PABPC4L: variants seen among roughly 807,000 people sequenced by gnomAD.
PABPC4L encodes the protein poly(A) binding protein cytoplasmic 4 like, also known as polyadenylate-binding protein 4-like.
For synonymous variants in PABPC4L, 169 were observed against 164.1 expected, an observed-to-expected ratio of 1.03 and a Z score of -0.23; for missense variants, 452 against 451.4, an observed-to-expected ratio of 1.00 and a Z score of -0.01.
chr4:133,953,833 A>G, the PABPC4L span, among the ~76,000 whole-genome samples: 2 of 152,320 alleles, frequency 1.3e-5, no homozygotes, highest in East Asian at 3.9e-4. Flanking sequence ...AGTAAACAGA[A>G]TATTCATGAT....
At chr4:134,064,220 A>T in the PABPC4L span, among the ~76,000 whole-genome samples, 1 of 152,088 alleles carries the variant, frequency 6.6e-6, no homozygotes, top group African/African-American at 2.4e-5. Context: ...GTTTCCAGTT[A>T]AAAACTTAAG....
At chr4:134,025,659 T>A in the PABPC4L span, among the ~76,000 whole-genome samples, 2 of 152,284 alleles carry the variant, frequency 1.3e-5, no homozygotes, top group East Asian at 3.9e-4. Flanking sequence ...ACCCCACAAC[T>A]AAATAAATGT....
chr4:134,063,033 C>T, the PABPC4L span, among the ~76,000 whole-genome samples: 100 of 152,176 alleles, frequency 6.6e-4, no homozygotes, highest in Non-Finnish European at 2.5e-4. Context: ...AACAACTAGA[C>T]AAGCCAGACA....
chr4:134,056,246 T>G, the PABPC4L span, among the ~76,000 whole-genome samples: 1 of 152,068 alleles, frequency 6.6e-6, no homozygotes, highest in African/African-American at 2.4e-5. Flanking sequence ...GTACTCTATA[T>G]CATGATCTTG....
the PABPC4L span, among the ~76,000 whole-genome samples, chr4:134,114,259 A>C: frequency 6.6e-6 from 1 of 151,804 alleles, no homozygotes; most frequent in Admixed American, 6.6e-5. Flanking sequence ...TGAAATGTGA[A>C]ACATCTTAAT....
At chr4:134,190,128 T>C in the PABPC4L span, among the ~76,000 whole-genome samples, 3 of 152,166 alleles carry the variant, frequency 2.0e-5, no homozygotes, top group Non-Finnish European at 1.5e-5. Flanking sequence ...TTACAGTTTA[T>C]ATTTTCCTAC....
At chr4:134,077,523 T>C in the PABPC4L span, among the ~76,000 whole-genome samples, 1 of 152,138 alleles carries the variant, frequency 6.6e-6, no homozygotes, top group Non-Finnish European at 1.5e-5. Flanking sequence ...TTAACATCAT[T>C]GGGTGGGTGA....
chr4:134,007,090 C>T, the PABPC4L span, among the ~76,000 whole-genome samples: 2 of 151,682 alleles, frequency 1.3e-5, no homozygotes, highest in African/African-American at 4.8e-5. Flanking sequence ...AGGCCCACAA[C>T]CACCACCAAA....
the PABPC4L span, among the ~76,000 whole-genome samples, chr4:134,104,707 G>T: frequency 5.9e-5 from 9 of 151,446 alleles, no homozygotes; most frequent in African/African-American, 1.7e-4. Context: ...CTTTTCTCAG[G>T]TCAGCTTCTT....
At chr4:134,091,103 A>G in the PABPC4L span, among the ~76,000 whole-genome samples, 33 of 152,124 alleles carry the variant, frequency 2.2e-4, no homozygotes, top group African/African-American at 7.0e-4. Context: ...CATAGAGAAG[A>G]CTGAGGTCAT....
At chr4:134,180,220 G>A in the PABPC4L span, among the ~76,000 whole-genome samples, 1 of 151,834 alleles carries the variant, frequency 6.6e-6, no homozygotes, top group African/African-American at 2.4e-5. Context: ...CAATAAAATA[G>A]AAATCAATGC....
At chr4:133,952,595 G>T in the PABPC4L span, among the ~76,000 whole-genome samples, 2 of 152,008 alleles carry the variant, frequency 1.3e-5, no homozygotes, top group African/African-American at 2.4e-5. Flanking sequence ...TAATGAATAT[G>T]GGATATTCTT....
the PABPC4L span, among the ~76,000 whole-genome samples, chr4:134,074,602 A>T: frequency 2.6e-5 from 4 of 152,192 alleles, no homozygotes; most frequent in East Asian, 7.7e-4. Flanking sequence ...GTACCAATTT[A>T]CTGTATTAGT....
chr4:133,966,197 A>G, the PABPC4L span, among the ~76,000 whole-genome samples: 5 of 152,320 alleles, frequency 3.3e-5, no homozygotes, highest in Middle Eastern at 6.8e-3. Context: ...TGGCCAACGA[A>G]CATTATGAAA....
chr4:133,973,528 C>T, the PABPC4L span, among the ~76,000 whole-genome samples: 3 of 152,112 alleles, frequency 2.0e-5, no homozygotes, highest in South Asian at 4.1e-4. Context: ...ATTCCCTTCT[C>T]CATGGCTTTG....
At chr4:134,071,755 T>G in the PABPC4L span, among the ~76,000 whole-genome samples, 1 of 152,162 alleles carries the variant, frequency 6.6e-6, no homozygotes, top group East Asian at 1.9e-4. Flanking sequence ...TTTAAAATAC[T>G]CAGTTTAGAG....
chr4:133,968,712 T>C, the PABPC4L span, among the ~76,000 whole-genome samples: 9 of 152,072 alleles, frequency 5.9e-5, no homozygotes, highest in Non-Finnish European at 1.2e-4. Flanking sequence ...AAAAAAATAA[T>C]ACTCTATATG....
chr4:134,103,990 G>A, the PABPC4L span, among the ~76,000 whole-genome samples: 3 of 151,636 alleles, frequency 2.0e-5, no homozygotes, highest in Admixed American at 1.3e-4. Context: ...CATTTGCTTT[G>A]ATTAAATGCT....
At chr4:133,953,699 T>G in the PABPC4L span, among the ~76,000 whole-genome samples, 1 of 152,082 alleles carries the variant, frequency 6.6e-6, no homozygotes, top group Non-Finnish European at 1.5e-5. Context: ...CTGGGGTCAT[T>G]ATTATTACAT....
Sources: gnomAD v4.1 joint callset for allele counts (sites outside exome capture counted in the v4.1 genomes callset) on GRCh38, gnomAD v4.1.1 for gene constraint, MANE v1.5 for transcripts, NCBI Gene and HGNC (gene_info 2026-07-23, HGNC 2026-07-21) for gene names.